Variants in RPTOR observed in about 807,000 individuals in gnomAD.
RPTOR encodes the protein regulatory-associated protein of mTOR.
A neutral mutation model predicts 169.9 loss-of-function variants in RPTOR; 21 were observed. The ratio of observed to expected loss-of-function variants is 0.12; its 90% confidence interval spans 0.09 to 0.18. The LOEUF is 0.18. Ranked by LOEUF, RPTOR falls within the 10% of genes least tolerant of loss-of-function variation. The probability of loss-of-function intolerance (pLI) is 1.00; values close to 1 mark genes in which losing one functional copy is unlikely to be tolerated. For missense variants in RPTOR, 1,133 were observed against 1,855.9 expected, an observed-to-expected ratio of 0.61 and a Z score of 7.16; for synonymous variants, 732 against 753.2, an observed-to-expected ratio of 0.97 and a Z score of 0.46.
chr17:80,771,007 C>T (rs538016621), intron 6 of RPTOR, among the ~76,000 whole-genome samples: 4 of 152,368 alleles, frequency 2.6e-5, no homozygotes, highest in East Asian at 3.9e-4. Flanking sequence ...GCAGCTCTCC[C>T]GGAACCATCG....
At chr17:80,935,480 T>C (rs929002909) in intron 24 of RPTOR, among the ~76,000 whole-genome samples, 2 of 152,086 alleles carry the variant, frequency 1.3e-5, no homozygotes, top group Admixed American at 1.3e-4. Flanking sequence ...ATCAAGATGG[T>C]GTGGGATTGG....
At chr17:80,593,608 GA>G (rs2065123522) in intron 1 of RPTOR, 1 of 153,876 alleles carries the variant, frequency 6.5e-6, no homozygotes, top group Non-Finnish European at 1.5e-5. Context: ...TGTGATGCTG[GA>G]TTTTCTTCCT....
At chr17:80,625,518 G>T (rs375049826) in intron 1 of RPTOR, among the ~76,000 whole-genome samples, 173 bp from the exon 2 acceptor site, 1 of 152,176 alleles carries the variant, frequency 6.6e-6, no homozygotes, top group African/African-American at 2.4e-5. Context: ...TCAAAGAAGG[G>T]CGTTACTCCT....
chr17:80,734,111 G>A (rs1598265307), intron 5 of RPTOR, among the ~76,000 whole-genome samples: 1 of 152,260 alleles, frequency 6.6e-6, no homozygotes, highest in African/African-American at 2.4e-5. Flanking sequence ...TGCTCGCTCA[G>A]TGGCTAGAGT....
chr17:80,781,826 G>A (rs74001050), intron 6 of RPTOR, among the ~76,000 whole-genome samples: 3,051 of 152,336 alleles, frequency 0.02, 108 homozygotes, highest in African/African-American at 0.069. Flanking sequence ...TTTTGTTTGC[G>A]TCTTTGGGTT....
intron 4 of RPTOR, among the ~76,000 whole-genome samples, chr17:80,715,262 TC>T (rs2066230040): frequency 6.6e-6 from 1 of 152,118 alleles, no homozygotes; most frequent in Non-Finnish European, 1.5e-5. Context: ...GGAGAGGATA[TC>T]CCCACATATC....
rs71164001 is a variant in RPTOR, at chr17:80,760,307, C to CT, written c.830+6136dup. 1.6e-3 allele frequency among the ~76,000 whole-genome samples: 186 copies of CT among 116,476 alleles called. 6 individuals are homozygous for CT. Among genetic ancestry groups the CT allele is most frequent in the African/African-American group, 4.5e-3 (134 of 29,720 alleles). 76.4% of individuals were successfully genotyped at this position (116,476 alleles called of 152,430 possible). On this transcript the variant is annotated intron_variant, in intron 6 of 33. Transcript: ENST00000306801. ...AGTCGAGCTTTCTTTTTTCTTTTTT[C>CT]TTTTTTTTTTTTTTGAGACCGAGTC...
At chr17:80,841,918 G>A (rs1473070950) in intron 10 of RPTOR, among the ~76,000 whole-genome samples, 4 of 111,676 alleles carry the variant, frequency 3.6e-5, no homozygotes, top group East Asian at 2.7e-4. Context: ...CTCACCGCAC[G>A]GCAGCTCACA....
intron 21 of RPTOR, among the ~76,000 whole-genome samples, chr17:80,920,593 C>T (rs556817444): frequency 2.0e-5 from 3 of 152,368 alleles, no homozygotes; most frequent in South Asian, 4.1e-4. Context: ...GGTACTCCCA[C>T]GGGCGCTTCC....
chr17:80,593,093 G>A (rs566262315), intron 1 of RPTOR, among the ~76,000 whole-genome samples: 11 of 152,314 alleles, frequency 7.2e-5, no homozygotes, highest in Middle Eastern at 3.4e-3. Context: ...AGTGGGATCC[G>A]GGAGGGGCCT....
intron 3 of RPTOR, among the ~76,000 whole-genome samples, chr17:80,665,313 A>T (rs1567845803): frequency 1.5e-5 from 2 of 136,868 alleles, no homozygotes; most frequent in Non-Finnish European, 3.1e-5. Context: ...TCTTGAGAAA[A>T]TTTTTTTCTT....
rs1307873276 is a variant in RPTOR, at chr17:80,949,477, T to C, written c.3300T>C (p.Ala1100=). 1.9e-6 allele frequency: 3 copies of C among 1,614,028 alleles called. No individual in the cohort carries two copies. The highest frequency in any genetic ancestry group is 2.2e-5 in the South Asian group (2 of 91,088). Residue 1100 remains alanine (A), a synonymous_variant, in exon 28 of 34, where the codon GCT becomes GCC. Coordinates refer to ENST00000306801, the MANE Select transcript of RPTOR (RefSeq NM_020761.3). ...DGAIRVWKNF[A]DLEKNPEMVT... is the part of the protein sequence containing the mutation. The stretch of plus-strand genomic sequence containing the variant: ...CCATCAGGGTCTGGAAGAATTTTGC[T>C]GATTTGGAAAAGAACCCAGAGATGG...
intron 28 of RPTOR, among the ~76,000 whole-genome samples, chr17:80,954,293 T>C (rs755945741): frequency 6.6e-6 from 1 of 152,190 alleles, no homozygotes; most frequent in Non-Finnish European, 1.5e-5. Context: ...AGCTATTTTG[T>C]GTATTTTTAG....
At chr17:80,599,329 C>T (rs1178506426) in intron 1 of RPTOR, among the ~76,000 whole-genome samples, 1 of 152,130 alleles carries the variant, frequency 6.6e-6, no homozygotes, top group Admixed American at 6.5e-5. Context: ...CTGAGGCCCC[C>T]TGAGACCTGT....
At chr17:80,838,033 C>T (rs777382406) in intron 10 of RPTOR, 36 bp downstream of exon 10, 41 of 1,558,224 alleles carry the variant, frequency 2.6e-5, no homozygotes, top group Admixed American at 1.8e-4. Context: ...GCATCCGCGG[C>T]GGCAGCCACT....
At chr17:80,590,377 G>A (rs753277216) in intron 1 of RPTOR, among the ~76,000 whole-genome samples, 36 of 147,450 alleles carry the variant, frequency 2.4e-4, no homozygotes, top group East Asian at 1.0e-3. Context: ...TGGTTGAGCC[G>A]TGTGTTAGCA....
chr17:80,820,436 C>T lies in RPTOR; in HGVS notation c.891-1765C>T, dbSNP rs1318021542. On this transcript the variant is annotated intron_variant, in intron 7 of 33. Coordinates refer to ENST00000306801, the MANE Select transcript of RPTOR (RefSeq NM_020761.3). This position sits in a 1 kb window ranked among gnomAD's most constrained non-coding sequence, Gnocchi z 4.1. ...TTCCTAGGGCTGTGTCCCGGGCAGC[C>T]ACCCCTGTTCGCGCTGGCGCTTGAG... Among the ~76,000 whole-genome samples the T allele has an allele frequency of 6.6e-6, 1 of 152,206 alleles. No individual in the cohort carries two copies. Among genetic ancestry groups the T allele is most frequent in the East Asian group, 1.9e-4 (1 of 5,190 alleles).
intron 13 of RPTOR, among the ~76,000 whole-genome samples, chr17:80,863,479 C>G (rs969464928): frequency 6.6e-6 from 1 of 152,190 alleles, no homozygotes; most frequent in African/African-American, 2.4e-5. Context: ...AGTTAGAAGT[C>G]TACTCTACAT....
chr17:80,852,397 C>T (rs992369955), intron 11 of RPTOR, among the ~76,000 whole-genome samples: 18 of 152,098 alleles, frequency 1.2e-4, no homozygotes, highest in Non-Finnish European at 2.4e-4. Context: ...GCAGCAGTGG[C>T]ATGCGACAGC....
Sources: gnomAD v4.1 joint callset for allele counts (sites outside exome capture counted in the v4.1 genomes callset) on GRCh38, gnomAD v4.1.1 for gene constraint, Gnocchi (gnomAD v3.1) non-coding constraint, MANE v1.5 for transcripts, NCBI Gene and HGNC (gene_info 2026-07-23, HGNC 2026-07-21) for gene names.